AUTS2: variants seen among roughly 807,000 people sequenced by gnomAD.
AUTS2 encodes activator of transcription and developmental regulator AUTS2, also known as autism susceptibility gene 2 protein.
In AUTS2, 17 loss-of-function variants were observed where a neutral mutation model predicts 112.4. The ratio of observed to expected loss-of-function variants is 0.15; its 90% CI spans 0.10 to 0.23. The LOEUF (loss-of-function observed/expected upper bound fraction) is 0.23, where lower values mean the gene tolerates loss of function less well. Among genes scored for constraint, AUTS2 ranks in the 10% least tolerant of loss-of-function variants. The pLI is 1.00. For synonymous variants in AUTS2, 751 were observed against 702.7 expected, an observed-to-expected ratio of 1.07 and a Z score of -1.09; for missense variants, 1,510 against 1,701.6, an observed-to-expected ratio of 0.89 and a Z score of 1.98.
intron 2 of AUTS2, among the ~76,000 whole-genome samples, chr7:69,959,487 G>C (rs1163630905): frequency 6.6e-6 from 1 of 151,994 alleles, no homozygotes; most frequent in Non-Finnish European, 1.5e-5. Flanking sequence ...CTAGGTCTTT[G>C]ACCTCCTCTC....
intron 5 of AUTS2, among the ~76,000 whole-genome samples, chr7:70,475,739 GA>G (rs1483649276): frequency 6.6e-6 from 1 of 152,184 alleles, no homozygotes; most frequent in Non-Finnish European, 1.5e-5. Flanking sequence ...GAGGCCACAT[GA>G]AAAGTCTACT....
rs113470182 is a variant in AUTS2 at position 69,799,773 on chromosome 7, T to G, written c.310-99513T>G. Among the ~76,000 whole-genome samples, 12 of 152,278 alleles carry G rather than the reference T, an allele frequency of 7.9e-5. 1 individual carries two copies. The highest frequency in any genetic ancestry group is 2.0e-4 in the Admixed American group (3 of 15,292). The stretch of plus-strand genomic sequence containing the variant: ...TCAGTCTTTTTTTCCTCATTAGAAA[T>G]CTAAGCTCTCCCCGCCCCCTCCTGG... On this transcript the variant is annotated intron_variant, in intron 1 of 18. Coordinates refer to ENST00000342771, the MANE Select transcript of AUTS2 (RefSeq NM_015570.4).
At chr7:70,176,031 C>T (rs1451145820) in intron 4 of AUTS2, among the ~76,000 whole-genome samples, 1 of 152,106 alleles carries the variant, frequency 6.6e-6, no homozygotes, top group East Asian at 1.9e-4. Context: ...GGCTGATAAC[C>T]TGGAAGACAC....
chr7:70,281,848 G>A (rs182103450), intron 4 of AUTS2, among the ~76,000 whole-genome samples: 86 of 152,280 alleles, frequency 5.6e-4, no homozygotes, highest in Non-Finnish European at 1.0e-3. Context: ...AATTTCAGGT[G>A]CGGTTTCAGT....
At chr7:70,569,760 C>T (rs989520313) in intron 5 of AUTS2, among the ~76,000 whole-genome samples, 4 of 149,558 alleles carry the variant, frequency 2.7e-5, no homozygotes, top group South Asian at 4.3e-4. Context: ...TACAGTTGGC[C>T]GATTAGTTGG....
chr7:69,924,237 T>G (rs1795921598), intron 2 of AUTS2, among the ~76,000 whole-genome samples: 2 of 152,168 alleles, frequency 1.3e-5, no homozygotes, highest in Admixed American at 1.3e-4. Context: ...AGTAATACAT[T>G]GATTGGTTTT....
intron 2 of AUTS2, among the ~76,000 whole-genome samples, chr7:70,102,384 C>G (rs1180595443): frequency 6.6e-6 from 1 of 152,000 alleles, no homozygotes; most frequent in Admixed American, 6.6e-5. Flanking sequence ...TCCCAAAGAG[C>G]TGGGATTACA....
At chr7:70,486,904 C>CG (rs1223286614) in intron 5 of AUTS2, among the ~76,000 whole-genome samples, 9 of 117,416 alleles carry the variant, frequency 7.7e-5, no homozygotes, top group African/African-American at 1.5e-4. Context: ...TATTCCCCCC[C>CG]CCCCAAAAAA....
chr7:69,621,986 A>G (rs779763575), intron 1 of AUTS2, among the ~76,000 whole-genome samples: 9 of 152,170 alleles, frequency 5.9e-5, no homozygotes, highest in Non-Finnish European at 1.0e-4. Flanking sequence ...ATAAACAAAC[A>G]AAAACCCTAA....
chr7:69,862,147 A>G (rs1342698971), intron 1 of AUTS2, among the ~76,000 whole-genome samples: 2 of 152,208 alleles, frequency 1.3e-5, no homozygotes, highest in Non-Finnish European at 2.9e-5. Flanking sequence ...TCTGTTCAGA[A>G]TGCTAGAGGC....
chr7:70,176,796 A>G (rs1218725596), intron 4 of AUTS2, among the ~76,000 whole-genome samples: 1 of 152,162 alleles, frequency 6.6e-6, no homozygotes, highest in Non-Finnish European at 1.5e-5. Flanking sequence ...GTTGTCTTGC[A>G]CAGCCTAGGA....
At chr7:70,339,742 G>A (rs1309624162) in intron 4 of AUTS2, among the ~76,000 whole-genome samples, 2 of 152,152 alleles carry the variant, frequency 1.3e-5, no homozygotes, top group Non-Finnish European at 2.9e-5. Context: ...TGTTCAAGGT[G>A]GGGTAGAGAA....
At chr7:69,774,222 G>A (rs1306197671) in intron 1 of AUTS2, among the ~76,000 whole-genome samples, 4 of 152,138 alleles carry the variant, frequency 2.6e-5, no homozygotes, top group Admixed American at 2.6e-4. Context: ...GACCAGCCTG[G>A]GCAACGTAGA....
chr7:69,883,612 A>T (rs1794150932), intron 1 of AUTS2, among the ~76,000 whole-genome samples: 2 of 152,192 alleles, frequency 1.3e-5, no homozygotes, highest in Non-Finnish European at 2.9e-5. Context: ...TGGCAACAAG[A>T]TAGAAACTGG....
intron 6 of AUTS2, among the ~76,000 whole-genome samples, chr7:70,716,102 C>T (rs1481438283): frequency 6.6e-6 from 1 of 152,230 alleles, no homozygotes; most frequent in Non-Finnish European, 1.5e-5. Context: ...CAACTGGGTA[C>T]TTTTCAGGAA....
chr7:70,562,160 TG>T (rs1402981422), intron 5 of AUTS2, among the ~76,000 whole-genome samples: 1 of 152,224 alleles, frequency 6.6e-6, no homozygotes, highest in Non-Finnish European at 1.5e-5. Context: ...TGCAGAGCCA[TG>T]AGCCAAATAA....
intron 2 of AUTS2, among the ~76,000 whole-genome samples, chr7:70,015,223 A>G (rs1799974712): frequency 6.6e-6 from 1 of 152,202 alleles, no homozygotes; most frequent in South Asian, 2.1e-4. Flanking sequence ...TGGTCCTTAT[A>G]TTCTGTGCTT....
intron 5 of AUTS2, among the ~76,000 whole-genome samples, chr7:70,687,239 C>T (rs947929136): frequency 6.6e-6 from 1 of 152,146 alleles, no homozygotes; most frequent in Non-Finnish European, 1.5e-5. Context: ...AAAGAGCAAA[C>T]CAAGTCCAGA....
chr7:70,165,608 G>A (rs1808340088), intron 4 of AUTS2, among the ~76,000 whole-genome samples: 1 of 152,168 alleles, frequency 6.6e-6, no homozygotes, highest in African/African-American at 2.4e-5. Context: ...TGAAGCAAGA[G>A]AAGTTTTGCT....
Sources: allele counts gnomAD v4.1 joint callset (sites outside exome capture counted in the v4.1 genomes callset), GRCh38; gene constraint gnomAD v4.1.1; transcripts MANE v1.5; gene names NCBI Gene and HGNC (gene_info 2026-07-23, HGNC 2026-07-21).